SSBP2: variants seen among roughly 807,000 people sequenced by gnomAD.
The protein encoded by SSBP2 is single stranded DNA binding protein 2, also known as single-stranded DNA-binding protein 2.
In SSBP2, 17 loss-of-function variants were observed where a neutral mutation model predicts 61.8. That is an observed-to-expected ratio of 0.28 (90% CI 0.19 to 0.41). The LOEUF (loss-of-function observed/expected upper bound fraction) is 0.41, where lower values mean the gene tolerates loss of function less well. SSBP2 is among the 10% of genes least tolerant of loss of function. The pLI, the probability that SSBP2 is intolerant of heterozygous loss-of-function variation, is 1.00. For synonymous variants in SSBP2, 139 were observed against 141.3 expected, an observed-to-expected ratio of 0.98 and a Z score of 0.12; for missense variants, 310 against 458.7, an observed-to-expected ratio of 0.68 and a Z score of 2.96.
intron 1 of SSBP2, among the ~76,000 whole-genome samples, chr5:81,667,331 A>ACG (rs1479295854): frequency 7.0e-6 from 1 of 142,200 alleles, no homozygotes; most frequent in Non-Finnish European, 1.6e-5. Context: ...ACACACACAC[A>ACG]CGCTCCAACA....
intron 10 of SSBP2, among the ~76,000 whole-genome samples, chr5:81,450,378 G>A (rs987320095): frequency 2.0e-5 from 3 of 151,846 alleles, no homozygotes; most frequent in Non-Finnish European, 4.4e-5. Context: ...TTTATCTATC[G>A]GCTCCTAGGA....
At chr5:81,626,346 A>G (rs1054194891) in intron 3 of SSBP2, among the ~76,000 whole-genome samples, 1 of 152,184 alleles carries the variant, frequency 6.6e-6, no homozygotes, top group African/African-American at 2.4e-5. Flanking sequence ...TTCAACATCT[A>G]ATCCTTCTAA....
chr5:81,579,484 CAAAAT>C (rs1216021414), intron 4 of SSBP2, among the ~76,000 whole-genome samples: 2 of 151,960 alleles, frequency 1.3e-5, no homozygotes, highest in Non-Finnish European at 2.9e-5. Flanking sequence ...AGTTCATTAA[CAAAAT>C]AAAAAGGACA....
intron 10 of SSBP2, among the ~76,000 whole-genome samples, chr5:81,450,949 T>C (rs143077997): frequency 6.6e-6 from 1 of 152,222 alleles, no homozygotes; most frequent in African/African-American, 2.4e-5. Flanking sequence ...CTCCAACTTC[T>C]ACCTCATCTT....
At chr5:81,542,817 T>TTC (rs60252222) in intron 4 of SSBP2, among the ~76,000 whole-genome samples, 11,163 of 106,582 alleles carry the variant, frequency 0.1, 527 homozygotes, top group Middle Eastern at 0.16. Context: ...ATTTGACAGT[T>TTC]TCTCTCTCTC....
At chr5:81,653,378 C>T (rs1375343852) in intron 1 of SSBP2, among the ~76,000 whole-genome samples, 4 of 152,060 alleles carry the variant, frequency 2.6e-5, no homozygotes, top group Non-Finnish European at 4.4e-5. Flanking sequence ...TCCAAGTCTT[C>T]GCTATTGTGA....
At chr5:81,463,500 G>A (rs1335348855) in intron 9 of SSBP2, among the ~76,000 whole-genome samples, 1 of 152,024 alleles carries the variant, frequency 6.6e-6, no homozygotes, top group Non-Finnish European at 1.5e-5. Context: ...AGGAGTTGAA[G>A]GCCATTCTGA....
chr5:81,684,827 G>C (rs1417815132), intron 1 of SSBP2, among the ~76,000 whole-genome samples: 1 of 152,084 alleles, frequency 6.6e-6, no homozygotes, highest in Non-Finnish European at 1.5e-5. Context: ...GTTAAGACTT[G>C]GGGGACTATT....
chr5:81,431,530 A>C (rs35663154), intron 15 of SSBP2, among the ~76,000 whole-genome samples: 30,977 of 151,982 alleles, frequency 0.2, 3,224 homozygotes, highest in Middle Eastern at 0.23. Flanking sequence ...TCTGGCTGCC[A>C]TGTTTAACCC....
rs543969935 is a variant in SSBP2 at position 81,495,227 on chromosome 5, T to C, written c.373-5918A>G. Among the ~76,000 whole-genome samples the C allele has an allele frequency of 1.1e-4, 16 of 152,340 alleles. No homozygotes were observed. In the South Asian group the frequency reaches 3.1e-3, roughly 30 times the overall value. ...CAGGCCCCTTAATGAAACTGTTTTA[T>C]AAATTATTTACCTGAAATTACTGGT... is the stretch of plus-strand genomic sequence containing the variant. On this transcript the variant is annotated intron_variant, in intron 5 of 16. Coordinates refer to ENST00000320672, the MANE Select transcript of SSBP2 (RefSeq NM_012446.5).
chr5:81,698,329 G>C (rs966458354), intron 1 of SSBP2, among the ~76,000 whole-genome samples: 18 of 152,150 alleles, frequency 1.2e-4, no homozygotes, highest in African/African-American at 4.3e-4. Flanking sequence ...ATTTTTATCT[G>C]AATGTTCTAC....
chr5:81,559,600 C>G (rs1034164175), intron 4 of SSBP2, among the ~76,000 whole-genome samples: 2 of 151,784 alleles, frequency 1.3e-5, no homozygotes, highest in African/African-American at 4.8e-5. Flanking sequence ...GAACTGCAAA[C>G]CAGTAGCAGG....
intron 4 of SSBP2, among the ~76,000 whole-genome samples, chr5:81,546,083 A>G (rs1421695545): frequency 6.6e-6 from 1 of 152,200 alleles, no homozygotes; most frequent in Non-Finnish European, 1.5e-5. Context: ...CTGATCAAGA[A>G]CAATGGCTAT....
At chr5:81,665,793 C>T (rs1287810478) in intron 1 of SSBP2, among the ~76,000 whole-genome samples, 1 of 152,212 alleles carries the variant, frequency 6.6e-6, no homozygotes, top group Non-Finnish European at 1.5e-5. Context: ...GCGTGAGCTA[C>T]CAAGCCCAGC....
At chr5:81,434,788 T>C (rs1561394256) in intron 15 of SSBP2, among the ~76,000 whole-genome samples, 2 of 152,038 alleles carry the variant, frequency 1.3e-5, no homozygotes, top group African/African-American at 4.8e-5. Context: ...AGAAAGCTTC[T>C]TGAGATAGCT....
chr5:81,493,457 TA>T (rs961040236), intron 5 of SSBP2, among the ~76,000 whole-genome samples: 19 of 147,116 alleles, frequency 1.3e-4, no homozygotes, highest in South Asian at 2.2e-4. Context: ...ACCTGGGTAT[TA>T]AAAAAAAAAA....
At chr5:81,626,176 T>A (rs1304855561) in intron 3 of SSBP2, among the ~76,000 whole-genome samples, 2 of 152,232 alleles carry the variant, frequency 1.3e-5, no homozygotes, top group African/African-American at 4.8e-5. Context: ...CTAGCATTAC[T>A]TAATACCTTT....
At chr5:81,423,185 T>C (rs1425560833) in intron 16 of SSBP2, among the ~76,000 whole-genome samples, 3 of 152,252 alleles carry the variant, frequency 2.0e-5, no homozygotes, top group Non-Finnish European at 4.4e-5. Context: ...ATCAGTCCAA[T>C]ATAACTTTCT....
At chr5:81,433,166 A>G (rs1351273617) in intron 15 of SSBP2, among the ~76,000 whole-genome samples, 4 of 151,962 alleles carry the variant, frequency 2.6e-5, no homozygotes, top group Admixed American at 6.6e-5. Flanking sequence ...GGAATAGAAA[A>G]GGGGGAAAGG....
Sources: allele counts gnomAD v4.1 joint callset (sites outside exome capture counted in the v4.1 genomes callset), GRCh38; gene constraint gnomAD v4.1.1; transcripts MANE v1.5; gene names NCBI Gene and HGNC (gene_info 2026-07-23, HGNC 2026-07-21).